The following ADAM10 variants were observed in gnomAD, a reference collection of about 807,000 sequenced individuals.
The protein encoded by ADAM10 is disintegrin and metalloproteinase domain-containing protein 10.
Under a neutral mutation model 90.1 loss-of-function variants are expected in ADAM10, and 17 were observed. The observed-to-expected ratio is 0.19, with a 90% CI of 0.13 to 0.28. The LOEUF (loss-of-function observed/expected upper bound fraction) is 0.28, where lower values mean the gene tolerates loss of function less well. ADAM10 is among the 10% of genes least tolerant of loss of function. The pLI, the probability that ADAM10 is intolerant of heterozygous loss-of-function variation, is 1.00. For missense variants in ADAM10, 610 were observed against 914.3 expected (o/e 0.67, Z 4.29); for synonymous variants, 310 against 298.6 (o/e 1.04, Z -0.40).
At position 58,597,564 on chromosome 15, in the gene ADAM10, C is replaced by G; in HGVS notation, c.2230G>C (p.Gly744Arg). The change falls in exon 16 of 16, where the codon GGA becomes CGA. Residue 744 changes from glycine to arginine, a missense_variant. Physicochemically the swap from Gly to Arg is moderately radical, Grantham distance 125 (BLOSUM62 -2). Around this residue, in one of 4 missense-constraint regions of ADAM10, gnomAD observed 150 missense variants for 268.5 expected, o/e 0.56. Transcript: ENST00000260408. ...AGCTGCAGTTAGCGTCTCATGTGTC[C>G]CATTTGATAACTCTCTCGGGGCCGC... is the stretch of plus-strand genomic sequence containing the variant. ...RQRPRESYQM[G>R]HMRR The G allele has an allele frequency of 1.2e-6, 2 of 1,613,958 alleles. No individual in the cohort carries two copies. Among genetic ancestry groups the G allele is most frequent in the Non-Finnish European group, 1.7e-6 (2 of 1,179,976 alleles).
At chr15:58,749,326 C>A (rs1899899758) in intron 1 of ADAM10, among the ~76,000 whole-genome samples, 154 bp downstream of exon 1, 1 of 151,966 alleles carries the variant, frequency 6.6e-6, no homozygotes, top group African/African-American at 2.4e-5. Flanking sequence ...GCGCGGGGGA[C>A]AATAGGGAGC....
At chr15:58,740,893 A>G (rs1336815387) in intron 1 of ADAM10, among the ~76,000 whole-genome samples, 1 of 152,214 alleles carries the variant, frequency 6.6e-6, no homozygotes, top group South Asian at 2.1e-4. Flanking sequence ...TCCAACTACT[A>G]AAAATAGATT....
intron 2 of ADAM10, among the ~76,000 whole-genome samples, chr15:58,695,364 T>C (rs1308349857): frequency 1.3e-5 from 2 of 152,250 alleles, no homozygotes; most frequent in African/African-American, 4.8e-5. Flanking sequence ...CTATCATGTA[T>C]TTTCATAAAA....
intron 1 of ADAM10, among the ~76,000 whole-genome samples, chr15:58,730,601 T>G (rs561507529): frequency 3.3e-5 from 5 of 152,328 alleles, no homozygotes; most frequent in Admixed American, 3.3e-4. Flanking sequence ...ACAAGAGGAA[T>G]ACTAACCTGA....
At chr15:58,703,791 C>G (rs1412482881) in intron 2 of ADAM10, 2 of 152,566 alleles carry the variant, frequency 1.3e-5, no homozygotes, top group African/African-American at 4.8e-5. Context: ...CCCTGCTTCC[C>G]CTTCTCCTTC....
At chr15:58,701,975 G>A (rs1005302070) in intron 2 of ADAM10, among the ~76,000 whole-genome samples, 4 of 151,910 alleles carry the variant, frequency 2.6e-5, no homozygotes, top group Admixed American at 6.6e-5. Flanking sequence ...GCGTGGCGGC[G>A]CACACCTCTA....
chr15:58,616,420 C>G (rs1287544471), intron 11 of ADAM10, among the ~76,000 whole-genome samples: 1 of 152,166 alleles, frequency 6.6e-6, no homozygotes, highest in African/African-American at 2.4e-5. Context: ...AAACAGAGAT[C>G]ATATCAAGTA....
chr15:58,661,616 T>C (rs1250073394), intron 5 of ADAM10, among the ~76,000 whole-genome samples: 1 of 152,166 alleles, frequency 6.6e-6, no homozygotes, highest in African/African-American at 2.4e-5. Context: ...AATTGTAACA[T>C]ACCCTGGTAT....
intron 2 of ADAM10, among the ~76,000 whole-genome samples, chr15:58,717,067 T>G (rs1202291544): frequency 2.6e-5 from 4 of 152,148 alleles, no homozygotes; most frequent in Non-Finnish European, 5.9e-5. Context: ...ACACAACAGG[T>G]ACTCAATAAG....
chr15:58,652,036 T>C (rs574133310), intron 5 of ADAM10, among the ~76,000 whole-genome samples: 5 of 152,308 alleles, frequency 3.3e-5, no homozygotes, highest in East Asian at 3.9e-4. Flanking sequence ...TGTTTGCCAT[T>C]TGTATGTCTT....
chr15:58,642,463 T>G (rs562147406), intron 7 of ADAM10, among the ~76,000 whole-genome samples: 1 of 148,152 alleles, frequency 6.7e-6, no homozygotes, highest in Non-Finnish European at 1.5e-5. Context: ...AGACTCCTTC[T>G]CAAAAAAAAA....
At chr15:58,681,478 A>T (rs528083021) in intron 3 of ADAM10, among the ~76,000 whole-genome samples, 1 of 152,298 alleles carries the variant, frequency 6.6e-6, no homozygotes, top group South Asian at 2.1e-4. Flanking sequence ...TGTAGAAATA[A>T]TCTCAAACAG....
intron 3 of ADAM10, 50 bp downstream of exon 3, chr15:58,682,146 T>C (rs752449248): frequency 5.0e-6 from 8 of 1,601,404 alleles, no homozygotes; most frequent in Middle Eastern, 2.1e-4. Context: ...AGTATCTTTG[T>C]GTAGAAAAAA....
chr15:58,670,849 AT>A (rs1292124630), intron 4 of ADAM10, among the ~76,000 whole-genome samples: 1 of 152,184 alleles, frequency 6.6e-6, no homozygotes, highest in Non-Finnish European at 1.5e-5. Flanking sequence ...ATCAATCAAG[AT>A]ATTTCCAACT....
chr15:58,748,290 G>A (rs1328340437), intron 1 of ADAM10: 1 of 152,158 alleles, frequency 6.6e-6, no homozygotes, highest in Non-Finnish European at 1.5e-5. Context: ...GAAAAAAACA[G>A]AAACAATACA....
chr15:58,663,353 C>G (rs977191929), intron 5 of ADAM10, among the ~76,000 whole-genome samples: 1 of 152,180 alleles, frequency 6.6e-6, no homozygotes, highest in Non-Finnish European at 1.5e-5. Context: ...GATTGCATCT[C>G]TACCACATAA....
chr15:58,599,258 GATC>G (rs1895045711), intron 15 of ADAM10, among the ~76,000 whole-genome samples: 1 of 151,118 alleles, frequency 6.6e-6, no homozygotes, highest in African/African-American at 2.4e-5. Context: ...AGAATAGAAA[GATC>G]AACAATTTTA....
rs1252217108 is a variant in ADAM10 at position 58,597,207 on chromosome 15, TTTA to T, written c.*337_*339del. 7 of 654,964 alleles carry T rather than the reference TTTA, an allele frequency of 1.1e-5. No individual in the cohort carries two copies. Among genetic ancestry groups the T allele is most frequent in the Non-Finnish European group, 1.5e-5 (6 of 395,746 alleles). The allele number at this position is 654,964 out of a possible 1,614,324, so 40.6% of individuals were successfully genotyped here. ...TATTTATTTCAATTTGTGGTAAAAG[TTTA>T]TTGAGAGCCAAGTTTGCCTGCAAGT... On this transcript the variant is annotated 3_prime_UTR_variant, in exon 16 of 16. Transcript: ENST00000260408.
chr15:58,617,882 A>C (rs1190120392), intron 11 of ADAM10, among the ~76,000 whole-genome samples: 1 of 150,938 alleles, frequency 6.6e-6, no homozygotes, highest in Non-Finnish European at 1.5e-5. Context: ...CACTGATGAA[A>C]GAAACTGAAC....
Sources: gnomAD v4.1 joint callset for allele counts (sites outside exome capture counted in the v4.1 genomes callset) on GRCh38, gnomAD v4.1.1 for gene constraint, gnomAD v4.1.1 regional missense constraint, MANE v1.5 for transcripts, NCBI Gene and HGNC (gene_info 2026-07-23, HGNC 2026-07-21) for gene names.